AADACL3: variants seen among roughly 807,000 people sequenced by gnomAD.
The protein encoded by AADACL3 is arylacetamide deacetylase like 3.
A neutral mutation model predicts 13.6 loss-of-function variants in AADACL3; 13 were observed. That is an observed-to-expected ratio of 0.95 (90% CI 0.62 to 1.52). AADACL3 has a LOEUF of 1.52. Among genes scored for constraint, AADACL3 ranks in the 40% most tolerant of loss-of-function variants. The pLI is 0.00. For synonymous variants in AADACL3, 195 were observed against 197.0 expected (o/e 0.99, Z 0.08); for missense variants, 519 against 499.2 (o/e 1.04, Z -0.38).
rs1648421000 is a variant in AADACL3 at position 12,716,123 on chromosome 1, A to G, written c.-54A>G. ...TCTGCTGGCTCTGAACCATGTCCTAAATGGTTTACACTGCGCACAGCTTCC... is the reference window on the plus strand; with the variant it reads ...TCTGCTGGCTCTGAACCATGTCCTAGATGGTTTACACTGCGCACAGCTTCC... On this transcript the variant is annotated 5_prime_UTR_variant, in exon 1 of 4. The change abolishes the stop of an existing upstream ORF in the 5' untranslated region. Coordinates refer to ENST00000359318, the MANE Select transcript of AADACL3 (RefSeq NM_001103170.3). 1.6e-6 allele frequency: 1 copy of G among 625,988 alleles called. No homozygotes were observed. 38.8% of individuals were successfully genotyped at this position (625,988 alleles called of 1,614,324 possible).
In AADACL3 at chr1:12,719,516, A is replaced by G. The variant is rs762633784; in HGVS notation, c.210A>G (p.Gln70=). 53 of 1,614,022 alleles carry G rather than the reference A, an allele frequency of 3.3e-5. No individual in the cohort carries two copies. The East Asian group carries it at 1.0e-3, about 32-fold the overall frequency. Residue 70 remains glutamine (Q), a synonymous_variant, in exon 2 of 4, where the codon CAA becomes CAG. Transcript: ENST00000359318. The part of the protein sequence containing the change: ...FEKLRICSMP[Q]FFCFMQDLPP... ...AGCTCAGAATCTGTTCTATGCCCCA[A>G]TTTTTCTGTTTCATGCAAGATCTGC...
intron 3 of AADACL3, among the ~76,000 whole-genome samples, 167 bp downstream of exon 3, chr1:12,721,113 AAG>A (rs1424151238): frequency 6.6e-6 from 1 of 151,726 alleles, no homozygotes; most frequent in Non-Finnish European, 1.5e-5. Context: ...AAGAGAGAAA[AAG>A]AAGGCGGCTG....
chr1:12,719,749 G>A, intron 2 of AADACL3, 58 bp downstream of exon 2: 1 of 1,500,718 alleles, frequency 6.7e-7, no homozygotes, highest in Middle Eastern at 2.3e-4. Context: ...ACATAACTTG[G>A]AAGAATGGGC....
rs1285980363 is a variant in AADACL3 at position 12,726,342 on chromosome 1, C to A, written c.*346C>A. 9 of 251,850 alleles carry A rather than the reference C, an allele frequency of 3.6e-5. No homozygotes were observed. The highest frequency in any genetic ancestry group is 6.7e-5 in the African/African-American group (3 of 44,790). The allele number at this position is 251,850 out of a possible 1,614,324, so 15.6% of individuals were successfully genotyped here. A position where few individuals can be genotyped will look rare whatever the true frequency, so the allele number is the denominator to read the frequency against. Reference sequence around the variant, plus strand: ...GTTCAGGCTCCCAGATTGATCCAGACTGTGTGTGACTTTCGTCCATTTGAC... The same window carrying A: ...GTTCAGGCTCCCAGATTGATCCAGAATGTGTGTGACTTTCGTCCATTTGAC... On this transcript the variant is annotated 3_prime_UTR_variant, in exon 4 of 4. Transcript: ENST00000359318.
rs1402706358 is a variant in AADACL3 at position 12,725,998 on chromosome 1, C to G, written c.*2C>G. 4 of 1,604,094 alleles carry G rather than the reference C, an allele frequency of 2.5e-6. No individual in the cohort carries two copies. The East Asian group carries it at 8.9e-5, about 36-fold the overall frequency. ...GTTCAATTTGTAAAGGGACTGTGAC[C>G]ATCTTTCTTCTCTGCTGGTACTGCG... On this transcript the variant is annotated 3_prime_UTR_variant, in exon 4 of 4. Transcript: ENST00000359318.
chr1:12,718,056 T>G (rs1479645735), intron 1 of AADACL3, among the ~76,000 whole-genome samples: 1 of 152,192 alleles, frequency 6.6e-6, no homozygotes. Flanking sequence ...AACTCATGTA[T>G]TCTCCTCATT....
At position 12,725,721 on chromosome 1, in the gene AADACL3, G is replaced by A. The variant is rs766817574; in HGVS notation, c.949G>A (p.Val317Ile). The change falls in exon 4 of 4, where the codon GTT becomes ATT. Residue 317 changes from valine to isoleucine, a missense_variant. By Grantham distance (29) the Val-to-Ile change is conservative. Transcript: ENST00000359318. The part of the protein sequence containing the change: ...MNEAAYLEVS[V>I]VLDVMCSPLI... ...TGAAGCTGCTTACTTGGAAGTAAGTGTTGTCCTGGATGTGATGTGCTCGCC... is the reference window on the plus strand; with the variant it reads ...TGAAGCTGCTTACTTGGAAGTAAGTATTGTCCTGGATGTGATGTGCTCGCC... 6 of 1,614,162 alleles carry A rather than the reference G, an allele frequency of 3.7e-6. No individual in the cohort carries two copies. Among genetic ancestry groups the A allele is most frequent in the African/African-American group, 1.3e-5 (1 of 75,030 alleles).
intron 3 of AADACL3, among the ~76,000 whole-genome samples, chr1:12,722,623 A>G (rs528142596): frequency 1.3e-5 from 2 of 151,746 alleles, no homozygotes; most frequent in South Asian, 2.1e-4. Context: ...AAATGGGGGT[A>G]TGGAATGGAA....
intron 3 of AADACL3, among the ~76,000 whole-genome samples, chr1:12,721,902 C>T (rs948843796): frequency 7.9e-5 from 12 of 152,212 alleles, no homozygotes; most frequent in African/African-American, 2.7e-4. Flanking sequence ...GCATCACACA[C>T]GTGGTTCCTC....
chr1:12,718,504 C>CT (rs938505894), intron 1 of AADACL3, among the ~76,000 whole-genome samples: 38 of 151,030 alleles, frequency 2.5e-4, no homozygotes, highest in East Asian at 7.8e-4. Context: ...ATTTTTAACT[C>CT]TTTTTTTTTG....
At chr1:12,718,517 C>T (rs891626296) in intron 1 of AADACL3, among the ~76,000 whole-genome samples, 1 of 151,826 alleles carries the variant, frequency 6.6e-6, no homozygotes, top group Non-Finnish European at 1.5e-5. Context: ...TTTTTTTGAG[C>T]TGGAGTTTTA....
In AADACL3 at chr1:12,718,703, G is replaced by A. The variant is rs546729273; in HGVS notation, c.169-772G>A. On this transcript the variant is annotated intron_variant, in intron 1 of 3. Coordinates refer to ENST00000359318, the MANE Select transcript of AADACL3 (RefSeq NM_001103170.3). Reference sequence around the variant, plus strand: ...TTCAGTAGAGACTGGGTTTCACCATGTTGGCCAGGCTGGCCTTGAACTCCT... The same window carrying A: ...TTCAGTAGAGACTGGGTTTCACCATATTGGCCAGGCTGGCCTTGAACTCCT... Among the ~76,000 whole-genome samples the A allele has an allele frequency of 2.6e-5, 4 of 152,272 alleles. No homozygotes were observed. In the South Asian group the frequency reaches 6.2e-4, roughly 24 times the overall value.
In AADACL3 at chr1:12,727,513, G is replaced by GC. The variant is rs1327281369; in HGVS notation, c.*1521dup. On this transcript the variant is annotated 3_prime_UTR_variant, in exon 4 of 4. Transcript: ENST00000359318. ...AAGGAATGGCCAGGGTCCTCTGCTG[G>GC]CCCCACTTGGTCTTCTGGAGGCTCT... The GC allele has an allele frequency of 6.6e-6, 1 of 152,208 alleles. No homozygotes were observed. The highest frequency in any genetic ancestry group is 6.5e-5 in the Admixed American group (1 of 15,278). The allele number at this position is 152,208 out of a possible 1,614,324, so 9.4% of individuals were successfully genotyped here.
At position 12,722,040 on chromosome 1, in the gene AADACL3, G is replaced by A. The variant is rs1213320224; in HGVS notation, c.449+1094G>A. Among the ~76,000 whole-genome samples the A allele has an allele frequency of 3.9e-5, 6 of 152,282 alleles. No homozygotes were observed. The East Asian group carries it at 7.7e-4, about 20-fold the overall frequency. On this transcript the variant is annotated intron_variant, in intron 3 of 3. Coordinates refer to ENST00000359318, the MANE Select transcript of AADACL3 (RefSeq NM_001103170.3). The stretch of plus-strand genomic sequence containing the variant: ...CAGCTACCTGAGGTGAGTAGAAAAC[G>A]AAGAGATGAAGCCGGGTGCAGTGGC...
rs563583119 is a variant in AADACL3 at position 12,720,788 on chromosome 1, A to T, written c.386-95A>T. 6.8e-4 allele frequency: 725 copies of T among 1,063,908 alleles called. 8 individuals carry two copies. The South Asian group carries it at 8.5e-3, about 13-fold the overall frequency. 65.9% of individuals were successfully genotyped at this position (1,063,908 alleles called of 1,614,324 possible). ...TGGAGTAGAGGAAAACCTAGTCGGC[A>T]TCGGCCCAAGTGCTGTGTCTGTAGG... On this transcript the variant is annotated intron_variant, in intron 2 of 3. Transcript: ENST00000359318.
At chr1:12,718,967 T>C (rs1648500872) in intron 1 of AADACL3, among the ~76,000 whole-genome samples, 1 of 152,218 alleles carries the variant, frequency 6.6e-6, no homozygotes, top group Non-Finnish European at 1.5e-5. Context: ...ATGGACATCA[T>C]ATTATTTTAT....
intron 2 of AADACL3, among the ~76,000 whole-genome samples, 182 bp downstream of exon 2, chr1:12,719,873 C>T (rs1456248243): frequency 3.3e-5 from 5 of 151,940 alleles, no homozygotes; most frequent in Admixed American, 6.6e-5. Context: ...TTATGTATCT[C>T]CTTATTTACA....
intron 3 of AADACL3, among the ~76,000 whole-genome samples, chr1:12,722,827 G>T (rs1482372752): frequency 6.6e-6 from 1 of 151,998 alleles, no homozygotes; most frequent in African/African-American, 2.4e-5. Flanking sequence ...AGAGTGCTGT[G>T]TATCTCTGGC....
Position 12,720,867 on chromosome 1 carries a change from A to G in AADACL3, c.386-16A>G. The G allele has an allele frequency of 1.2e-6, 2 of 1,606,786 alleles. No individual in the cohort carries two copies. Among genetic ancestry groups the G allele is most frequent in the African/African-American group, 1.3e-5 (1 of 74,726 alleles). ...GAAGCCTTCCTAGTGAATCTTAAAAACCATTTATTTTCTAGAAACCCACCA... is the reference window on the plus strand; with the variant it reads ...GAAGCCTTCCTAGTGAATCTTAAAAGCCATTTATTTTCTAGAAACCCACCA... On this transcript the variant is annotated splice_polypyrimidine_tract_variant and intron_variant, in intron 2 of 3. Transcript: ENST00000359318.
Sources: gnomAD v4.1 joint callset for allele counts (sites outside exome capture counted in the v4.1 genomes callset) on GRCh38, gnomAD v4.1.1 for gene constraint, MANE v1.5 for transcripts, NCBI Gene and HGNC (gene_info 2026-07-23, HGNC 2026-07-21) for gene names.